TRIP12: variants seen among roughly 807,000 people sequenced by gnomAD.
TRIP12 encodes E3 ubiquitin-protein ligase TRIP12.
TRIP12 carries 25 observed loss-of-function variants against 244.2 expected under a neutral mutation model. That is an observed-to-expected ratio of 0.10 (90% CI 0.07 to 0.14). The LOEUF (loss-of-function observed/expected upper bound fraction) is 0.14, where lower values mean the gene tolerates loss of function less well. TRIP12 is among the 10% of genes least tolerant of loss of function. The pLI, the probability that TRIP12 is intolerant of heterozygous loss-of-function variation, is 1.00. For missense variants in TRIP12, 1,677 were observed against 2,486.4 expected (o/e 0.67, Z 6.92); for synonymous variants, 905 against 873.1 (o/e 1.04, Z -0.64).
At chr2:229,865,332 AAAAAAAAAAAAG>A (rs755859476) in intron 2 of TRIP12, among the ~76,000 whole-genome samples, 10,327 of 128,596 alleles carry the variant, frequency 0.08, 226 homozygotes, top group Non-Finnish European at 0.12. Flanking sequence ...AAAAAAAAAA[AAAAAAAAAAAAG>A]AAAGAAAGAA....
intron 2 of TRIP12, among the ~76,000 whole-genome samples, chr2:229,866,363 AAT>A (rs1464341916): frequency 6.6e-6 from 1 of 152,206 alleles, no homozygotes; most frequent in Non-Finnish European, 1.5e-5. Context: ...AGTGACTCCA[AAT>A]ACAGATGCAC....
At chr2:229,922,046 C>A, upstream of TRIP12, 1 of 153,910 alleles carries the variant, frequency 6.5e-6, no homozygotes, top group South Asian at 1.9e-4. Context: ...GTGCCGCCTC[C>A]CTCCCCGCCT....
rs1355718880 is a variant in TRIP12, at chr2:229,792,047, A to G, written c.4234T>C (p.Ser1412Pro). Residue 1412 changes from serine (S) to proline (P), a missense_variant, in exon 29 of 42, where the codon TCA becomes CCA. Ser to Pro is a moderately conservative substitution (Grantham distance 74). Around this residue, in one of 11 missense-constraint regions of TRIP12, gnomAD observed 265 missense variants for 370.8 expected, o/e 0.71. Coordinates refer to ENST00000675903, the MANE Select transcript of TRIP12 (RefSeq NM_001348323.3). ...TGCAGCCTGTGTCTTACATTTCCTGAATTTAGGAACTGAGCAGCCTGAATA... is the reference window on the plus strand; with the variant it reads ...TGCAGCCTGTGTCTTACATTTCCTGGATTTAGGAACTGAGCAGCCTGAATA... ...DESLAAQFLN[S>P]GNVRHRLQFY... The G allele has an allele frequency of 6.2e-7, 1 of 1,614,010 alleles. No individual in the cohort carries two copies. The highest frequency in any genetic ancestry group is 1.3e-5 in the African/African-American group (1 of 74,918).
chr2:229,868,517 T>C (rs2061959627), intron 2 of TRIP12, among the ~76,000 whole-genome samples: 1 of 152,158 alleles, frequency 6.6e-6, no homozygotes, highest in South Asian at 2.1e-4. Context: ...CTAGTATAAA[T>C]ACCTTTAAAA....
At chr2:229,770,197 G>A (rs747362042) in intron 39 of TRIP12, among the ~76,000 whole-genome samples, 4 of 151,990 alleles carry the variant, frequency 2.6e-5, no homozygotes, top group African/African-American at 4.8e-5. Context: ...TTAAATTTCC[G>A]AGCTCAAGTG....
intron 6 of TRIP12, chr2:229,831,293 C>T (rs1274578421): frequency 1.5e-5 from 9 of 609,952 alleles, no homozygotes; most frequent in South Asian, 2.1e-5. Context: ...GCTTTATTTC[C>T]GGACTACAGT....
chr2:229,874,242 C>A (rs977905820), intron 2 of TRIP12, among the ~76,000 whole-genome samples: 1 of 152,002 alleles, frequency 6.6e-6, no homozygotes, highest in Non-Finnish European at 1.5e-5. Flanking sequence ...AACTTTAAAC[C>A]AAGGAATTCT....
At chr2:229,792,290 T>C (rs911252960) in intron 27 of TRIP12, 64 bp from the exon 28 acceptor site, 4 of 1,341,704 alleles carry the variant, frequency 3.0e-6, no homozygotes, top group East Asian at 2.3e-5. Flanking sequence ...AAAAATCCTG[T>C]ATACACACTG....
chr2:229,821,555 T>G (rs1193371213), intron 8 of TRIP12, among the ~76,000 whole-genome samples: 1 of 152,212 alleles, frequency 6.6e-6, no homozygotes, highest in African/African-American at 2.4e-5. Context: ...TGAACATGAC[T>G]GTATACCAAT....
At chr2:229,867,168 TTTG>T (rs1231134908) in intron 2 of TRIP12, among the ~76,000 whole-genome samples, 7 of 36,968 alleles carry the variant, frequency 1.9e-4, no homozygotes, top group Non-Finnish European at 2.8e-4. Flanking sequence ...TGTTTGTTTG[TTTG>T]TTTTTTTTTT....
intron 8 of TRIP12, among the ~76,000 whole-genome samples, chr2:229,828,546 C>T (rs1211726169): frequency 6.6e-6 from 1 of 151,844 alleles, no homozygotes; most frequent in African/African-American, 2.4e-5. Context: ...CCAAGGTGGG[C>T]GGATCACCTG....
At chr2:229,869,024 TACTTGACAAC>T (rs969923404) in intron 2 of TRIP12, among the ~76,000 whole-genome samples, 76 of 152,344 alleles carry the variant, frequency 5.0e-4, no homozygotes, top group Middle Eastern at 6.8e-3. Flanking sequence ...CATATTCTCT[TACTTGACAAC>T]ACAGCAAGGT....
At chr2:229,839,004 TC>T (rs1349535458) in intron 5 of TRIP12, among the ~76,000 whole-genome samples, 4 of 152,024 alleles carry the variant, frequency 2.6e-5, no homozygotes, top group Non-Finnish European at 4.4e-5. Flanking sequence ...CTAAAATCAT[TC>T]CCCCCTGCAT....
rs2048251387 is a variant in TRIP12, at chr2:229,815,412, T to C, written c.1600-104A>G. On this transcript the variant is annotated intron_variant, in intron 9 of 41. Transcript: ENST00000675903. ...ACTTCAACTGAAATGGAAGTATTATTCCTAACTTTTACCACACAAAAATAA... is the reference window on the plus strand; with the variant it reads ...ACTTCAACTGAAATGGAAGTATTATCCCTAACTTTTACCACACAAAAATAA... 1.2e-5 allele frequency: 8 copies of C among 680,150 alleles called. No individual in the cohort carries two copies. The South Asian group carries it at 1.6e-4, about 14-fold the overall frequency. 42.1% of individuals were successfully genotyped at this position (680,150 alleles called of 1,614,324 possible). A position where few individuals can be genotyped will look rare whatever the true frequency, so the allele number is the denominator to read the frequency against.
In TRIP12 at chr2:229,764,945, T is replaced by C. The variant is rs768883766; in HGVS notation, c.*2609A>G. ...AGAGAAAAATCTGCGTTTCTTACGA[T>C]GAGTGGCTGTGTGAAAGGTTTCTGC... On this transcript the variant is annotated 3_prime_UTR_variant, in exon 42 of 42. Transcript: ENST00000675903. 3.9e-5 allele frequency: 6 copies of C among 152,190 alleles called. No homozygotes were observed. Among genetic ancestry groups the C allele is most frequent in the East Asian group, 3.9e-4 (2 of 5,192 alleles). The allele number at this position is 152,190 out of a possible 1,614,324, so 9.4% of individuals were successfully genotyped here.
chr2:229,811,129 C>T lies in TRIP12; in HGVS notation c.2055+7G>A. On this transcript the variant is annotated splice_region_variant and intron_variant, in intron 14 of 41. Coordinates refer to ENST00000675903, the MANE Select transcript of TRIP12 (RefSeq NM_001348323.3). ...CATAAAAATACTACCAAAGACTAAA[C>T]ACTTACCTCCTCATGCTGGAAGTTG... The T allele has an allele frequency of 6.2e-7, 1 of 1,614,016 alleles. No homozygotes were observed. Among genetic ancestry groups the T allele is most frequent in the Non-Finnish European group, 8.5e-7 (1 of 1,179,956 alleles).
At chr2:229,896,955 T>A (rs541662132) in intron 1 of TRIP12, among the ~76,000 whole-genome samples, 78 of 152,198 alleles carry the variant, frequency 5.1e-4, no homozygotes, top group African/African-American at 1.6e-3. Flanking sequence ...TAAATCCTAA[T>A]GTAAACTAGG....
chr2:229,799,660 A>G (rs2043752240), intron 21 of TRIP12, among the ~76,000 whole-genome samples: 1 of 152,094 alleles, frequency 6.6e-6, no homozygotes, highest in Non-Finnish European at 1.5e-5. Context: ...CTGTAGTCTC[A>G]GCTACTGAGG....
chr2:229,835,653 A>G (rs2054611636), intron 6 of TRIP12, among the ~76,000 whole-genome samples: 2 of 152,246 alleles, frequency 1.3e-5, no homozygotes, highest in Non-Finnish European at 1.5e-5. Context: ...GCTTAATACT[A>G]TGGCTGGACT....
Sources: gnomAD v4.1 joint callset for allele counts (sites outside exome capture counted in the v4.1 genomes callset) on GRCh38, gnomAD v4.1.1 for gene constraint, gnomAD v4.1.1 regional missense constraint, MANE v1.5 for transcripts, NCBI Gene and HGNC (gene_info 2026-07-23, HGNC 2026-07-21) for gene names.